Variants in LIFR observed in about 807,000 individuals in gnomAD.
LIFR encodes the protein leukemia inhibitory factor receptor.
A neutral mutation model predicts 122.2 loss-of-function variants in LIFR; 84 were observed. The observed-to-expected ratio is 0.69, with a 90% CI of 0.58 to 0.82. The LOEUF (loss-of-function observed/expected upper bound fraction) is 0.82. LIFR is among the 40% of genes least tolerant of loss of function. The probability of loss-of-function intolerance (pLI) is 0.00; values close to 1 mark genes in which losing one functional copy is unlikely to be tolerated. For synonymous variants in LIFR, 422 were observed against 434.7 expected (o/e 0.97, Z 0.36); for missense variants, 1,294 against 1,311.6 (o/e 0.99, Z 0.21).
intron 1 of LIFR, among the ~76,000 whole-genome samples, chr5:38,533,095 T>C (rs1243457279): frequency 1.3e-5 from 2 of 152,220 alleles, no homozygotes; most frequent in Admixed American, 6.5e-5. Flanking sequence ...CCAGATGAGG[T>C]AGAAATCTGG....
rs945009865 is a variant in LIFR at position 38,480,189 on chromosome 5, T to C, written c.*1406A>G. On this transcript the variant is annotated 3_prime_UTR_variant, in exon 20 of 20. Coordinates refer to ENST00000453190, the MANE Select transcript of LIFR (RefSeq NM_001127671.2). ...GGACACTTAAAATTTTCAAGTACTT[T>C]TGCCTTAAATATGAAAAGGTAAAAT... 2 of 228,260 alleles carry C rather than the reference T, an allele frequency of 8.8e-6. No homozygotes were observed. The highest frequency in any genetic ancestry group is 1.7e-5 in the Non-Finnish European group (2 of 115,186). The allele number at this position is 228,260 out of a possible 1,614,324, so 14.1% of individuals were successfully genotyped here. A position where few individuals can be genotyped will look rare whatever the true frequency, so the allele number is the denominator to read the frequency against.
intron 12 of LIFR, 41 bp from the exon 13 acceptor site, chr5:38,496,636 G>C (rs777573700): frequency 7.1e-7 from 1 of 1,399,920 alleles, no homozygotes; most frequent in Non-Finnish European, 1.0e-6. Flanking sequence ...CCTGCAAAAC[G>C]TGACTGTGAC....
In LIFR at chr5:38,503,892, C is replaced by T; in HGVS notation, c.1437+84G>A. On this transcript the variant is annotated intron_variant, in intron 10 of 19. Transcript: ENST00000453190. Reference sequence around the variant, plus strand: ...ATCTCTATAATAAATAATCTGAGAGCTTAAGCATATCAATTTGCTTAATTC... The same window carrying T: ...ATCTCTATAATAAATAATCTGAGAGTTTAAGCATATCAATTTGCTTAATTC... 6.3e-6 allele frequency: 6 copies of T among 949,752 alleles called. No individual in the cohort carries two copies. In the South Asian group the frequency reaches 8.4e-5, roughly 13 times the overall value. The allele number at this position is 949,752 out of a possible 1,614,324, so 58.8% of individuals were successfully genotyped here. A position where few individuals can be genotyped will look rare whatever the true frequency, so the allele number is the denominator to read the frequency against.
intron 1 of LIFR, among the ~76,000 whole-genome samples, chr5:38,566,560 A>T (rs1192874643): frequency 6.6e-6 from 1 of 152,198 alleles, no homozygotes; most frequent in Admixed American, 6.5e-5. Flanking sequence ...GAAAAAGGAG[A>T]CTTTCTAATC....
chr5:38,568,446 G>T (rs1349951318), intron 1 of LIFR, among the ~76,000 whole-genome samples: 2 of 151,964 alleles, frequency 1.3e-5, no homozygotes, highest in African/African-American at 2.4e-5. Flanking sequence ...GCATGGGGAG[G>T]TTGGAGAGGT....
At chr5:38,485,280 G>A (rs1457078015) in intron 17 of LIFR, among the ~76,000 whole-genome samples, 1 of 152,164 alleles carries the variant, frequency 6.6e-6, no homozygotes, top group Non-Finnish European at 1.5e-5. Context: ...TCTCCGTTGA[G>A]AATCACTGCT....
At chr5:38,566,506 T>A (rs1749030006) in intron 1 of LIFR, among the ~76,000 whole-genome samples, 1 of 152,202 alleles carries the variant, frequency 6.6e-6, no homozygotes, top group South Asian at 2.1e-4. Context: ...TATACTCTTG[T>A]TCACTATTTT....
At chr5:38,586,270 G>A (rs928327165) in intron 1 of LIFR, among the ~76,000 whole-genome samples, 3 of 152,150 alleles carry the variant, frequency 2.0e-5, no homozygotes, top group African/African-American at 7.2e-5. Flanking sequence ...TTCTTCCAGT[G>A]CTAAGAATTA....
In LIFR at chr5:38,530,672, TTAGGAGAGGAA is replaced by T; in HGVS notation, c.-19-17_-19-7del. On this transcript the variant is annotated splice_region_variant and splice_polypyrimidine_tract_variant and intron_variant, in intron 1 of 19. Coordinates refer to ENST00000453190, the MANE Select transcript of LIFR (RefSeq NM_001127671.2). ...TCTGTGCAATGCAGTCAGTCCTAGG[TTAGGAGAGGAA>T]TTCCAGATGGTGTTCAGATTGTTCT... 6.2e-7 allele frequency: 1 copy of T among 1,612,682 alleles called. No homozygotes were observed. Among genetic ancestry groups the T allele is most frequent in the Non-Finnish European group, 8.5e-7 (1 of 1,178,740 alleles).
At chr5:38,536,420 G>A (rs1362348076) in intron 1 of LIFR, among the ~76,000 whole-genome samples, 1 of 151,780 alleles carries the variant, frequency 6.6e-6, no homozygotes, top group East Asian at 1.9e-4. Context: ...ATGATTTAAA[G>A]TAATCTAGAG....
rs1579991274 is a variant in LIFR at position 38,481,306 on chromosome 5, T to C, written c.*289A>G. The C allele has an allele frequency of 2.0e-6, 1 of 487,906 alleles. No individual in the cohort carries two copies. 30.2% of individuals were successfully genotyped at this position (487,906 alleles called of 1,614,324 possible). A position where few individuals can be genotyped will look rare whatever the true frequency, so the allele number is the denominator to read the frequency against. On this transcript the variant is annotated 3_prime_UTR_variant, in exon 20 of 20. Coordinates refer to ENST00000453190, the MANE Select transcript of LIFR (RefSeq NM_001127671.2). Reference sequence around the variant, plus strand: ...TGTTTTACATGTACGTACAAGTAGGTATTAGCCTTGAAATGCTTCTTGAAG... The same window carrying C: ...TGTTTTACATGTACGTACAAGTAGGCATTAGCCTTGAAATGCTTCTTGAAG...
intron 4 of LIFR, among the ~76,000 whole-genome samples, chr5:38,524,455 A>C (rs550534863): frequency 1.3e-5 from 2 of 152,338 alleles, no homozygotes; most frequent in South Asian, 4.1e-4. Context: ...GGCTAGAGTG[A>C]CAAGGATATA....
At chr5:38,553,748 G>A (rs1177571104) in intron 1 of LIFR, among the ~76,000 whole-genome samples, 4 of 144,122 alleles carry the variant, frequency 2.8e-5, no homozygotes, top group African/African-American at 5.1e-5. Flanking sequence ...TAAGCATAAT[G>A]AAAATACTGA....
At chr5:38,544,518 T>A (rs1580156598) in intron 1 of LIFR, among the ~76,000 whole-genome samples, 1 of 151,898 alleles carries the variant, frequency 6.6e-6, no homozygotes, top group African/African-American at 2.4e-5. Flanking sequence ...AACACTCACT[T>A]CCTCAGGAAG....
At chr5:38,498,477 T>G (rs1333916579) in intron 12 of LIFR, among the ~76,000 whole-genome samples, 1 of 152,130 alleles carries the variant, frequency 6.6e-6, no homozygotes, top group Non-Finnish European at 1.5e-5. Context: ...CTTACATATA[T>G]CAAACCGCCT....
At chr5:38,507,918 T>A (rs550871568) in intron 7 of LIFR, among the ~76,000 whole-genome samples, 2 of 152,292 alleles carry the variant, frequency 1.3e-5, no homozygotes, top group South Asian at 4.1e-4. Flanking sequence ...ATATGAGAGT[T>A]TAACAATTAG....
intron 5 of LIFR, among the ~76,000 whole-genome samples, chr5:38,522,691 G>A (rs994280066): frequency 1.3e-5 from 2 of 152,054 alleles, no homozygotes; most frequent in Admixed American, 1.3e-4. Flanking sequence ...GAAATACATG[G>A]GTTGTCAAAG....
At chr5:38,533,747 T>C (rs1350579198) in intron 1 of LIFR, among the ~76,000 whole-genome samples, 3 of 152,112 alleles carry the variant, frequency 2.0e-5, no homozygotes, top group Non-Finnish European at 4.4e-5. Context: ...TCAGGAAACG[T>C]GACAGAGAGT....
At chr5:38,554,682 G>C (rs1338602398) in intron 1 of LIFR, among the ~76,000 whole-genome samples, 1 of 152,144 alleles carries the variant, frequency 6.6e-6, no homozygotes, top group Non-Finnish European at 1.5e-5. Context: ...AACACGTACA[G>C]AATGTTTACA....
Sources: gnomAD v4.1 joint callset for allele counts (sites outside exome capture counted in the v4.1 genomes callset) on GRCh38, gnomAD v4.1.1 for gene constraint, MANE v1.5 for transcripts, NCBI Gene and HGNC (gene_info 2026-07-23, HGNC 2026-07-21) for gene names.